The following TMEM132A variants were observed in gnomAD, a reference collection of about 807,000 sequenced individuals.
TMEM132A encodes transmembrane protein 132A.
Under a neutral mutation model 69.9 loss-of-function variants are expected in TMEM132A, and 48 were observed. That is an observed-to-expected ratio of 0.69 (90% CI 0.55 to 0.87). The LOEUF is 0.87. TMEM132A is among the 40% of genes least tolerant of loss of function. The probability of loss-of-function intolerance (pLI) is 0.00; values close to 1 mark genes in which losing one functional copy is unlikely to be tolerated. For synonymous variants in TMEM132A, 577 were observed against 613.7 expected (o/e 0.94, Z 0.88); for missense variants, 1,287 against 1,407.2 (o/e 0.91, Z 1.37).
chr11:60,929,174 C>G (rs1326105828), intron 4 of TMEM132A, among the ~76,000 whole-genome samples: 1 of 152,244 alleles, frequency 6.6e-6, no homozygotes, highest in African/African-American at 2.4e-5. Flanking sequence ...AAGTAGGAAG[C>G]TGCCCCTTCC....
At chr11:60,925,729 T>G (rs567542836) in intron 1 of TMEM132A, 15 of 152,372 alleles carry the variant, frequency 9.8e-5, no homozygotes, top group African/African-American at 3.6e-4. Context: ...AGGGACGCCA[T>G]GGGAGTCCTA....
chr11:60,931,829 T>TGTGG lies in TMEM132A; in HGVS notation c.1159_1162dup (p.Glu388ValfsTer7). The TGTGG allele has an allele frequency of 6.2e-7, 1 of 1,614,232 alleles. No homozygotes were observed. Among genetic ancestry groups the TGTGG allele is most frequent in the South Asian group, 1.1e-5 (1 of 91,088 alleles). ...CCTGAAGCAGAGAAGGACAAAATGG[T>TGTGG]GTGGGAAATCCTGGTGTCTGAGCGG... On this transcript the variant is annotated frameshift_variant, in exon 6 of 11. Transcript: ENST00000453848. LOFTEE classifies it high-confidence loss of function.
rs748506136 is a variant in TMEM132A, at chr11:60,936,424, C to G, written c.2589C>G (p.Ile863Met). 1.2e-5 allele frequency: 20 copies of G among 1,614,072 alleles called. No individual in the cohort carries two copies. The Admixed American group carries it at 3.0e-4, about 24-fold the overall frequency. The change falls in exon 11 of 11, where the codon ATC becomes ATG. Residue 863 changes from isoleucine (I) to methionine (M), a missense_variant. Ile to Met is a conservative substitution (Grantham distance 10). Transcript: ENST00000453848. Reference sequence around the variant, plus strand: ...GAGTCTTCTGCGTGGCCATCTTCATCTTCTTGGTCAATGGTGTGGTCTTCG... The same window carrying G: ...GAGTCTTCTGCGTGGCCATCTTCATGTTCTTGGTCAATGGTGTGGTCTTCG... The part of the protein sequence containing the change: ...LLGVFCVAIF[I>M]FLVNGVVFVL...
rs767309456 is a variant in TMEM132A at position 60,933,692 on chromosome 11, G to A, written c.1507G>A (p.Asp503Asn). Residue 503 changes from aspartate to asparagine, a missense_variant, in exon 8 of 11, where the codon GAC becomes AAC. By Grantham distance (23) the Asp-to-Asn change is conservative. Transcript: ENST00000453848. The stretch of plus-strand genomic sequence containing the variant: ...GCTACCGCTGCGTATCGAGCTCACC[G>A]ACACCACCCTCGAGCAGGTCCGCGG... ...PLLPLRIELT[D>N]TTLEQVRGWR... The A allele has an allele frequency of 3.1e-6, 5 of 1,602,970 alleles. No homozygotes were observed. In the Admixed American group the frequency reaches 5.1e-5, roughly 16 times the overall value.
intron 2 of TMEM132A, 73 bp from the exon 3 acceptor site, chr11:60,927,568 G>A (rs762545178): frequency 1.9e-5 from 28 of 1,476,944 alleles, no homozygotes; most frequent in Non-Finnish European, 2.6e-5. Context: ...CTTCTGCCAA[G>A]CTGGGATCCC....
Position 60,936,014 on chromosome 11 carries a change from G to T in TMEM132A, c.2179G>T (p.Val727Leu). ...GGAGCAGGGTGCCCAGCTCGGGGTG[G>T]TGGTGAGTGGGGCAGGCGCCGAGGG... ...AEEQGAQLGV[V>L]VSGAGAEGLP... The change falls in exon 11 of 11, where the codon GTG becomes TTG. Residue 727 changes from valine to leucine, a missense_variant. By Grantham distance (32) the Val-to-Leu change is conservative. Transcript: ENST00000453848. The T allele has an allele frequency of 6.2e-7, 1 of 1,607,258 alleles. No individual in the cohort carries two copies.
chr11:60,927,445 A>C (rs760720801), intron 2 of TMEM132A, 27 bp downstream of exon 2: 9 of 1,589,390 alleles, frequency 5.7e-6, no homozygotes, highest in Non-Finnish European at 6.9e-6. Flanking sequence ...GGGGACTCTC[A>C]GGCTAACAGG....
At chr11:60,931,096 C>T (rs1230201562) in intron 5 of TMEM132A, among the ~76,000 whole-genome samples, 3 of 152,190 alleles carry the variant, frequency 2.0e-5, no homozygotes, top group Non-Finnish European at 2.9e-5. Flanking sequence ...AGCCCCAGTT[C>T]GAATTCTGGT....
chr11:60,927,470 G>A, intron 2 of TMEM132A, 52 bp downstream of exon 2: 1 of 1,534,474 alleles, frequency 6.5e-7, no homozygotes, highest in Non-Finnish European at 8.9e-7. Context: ...AGGGCCTGAG[G>A]TCTGCTGGGT....
chr11:60,926,983 T>C, intron 1 of TMEM132A: 1 of 613,840 alleles, frequency 1.6e-6, no homozygotes, highest in Non-Finnish European at 2.9e-6. Flanking sequence ...AAGCATCCAG[T>C]CCTGGACTCA....
intron 5 of TMEM132A, 77 bp downstream of exon 5, chr11:60,930,736 T>A: frequency 7.2e-7 from 1 of 1,385,446 alleles, no homozygotes; most frequent in Non-Finnish European, 9.6e-7. Context: ...ATTTGGAGGC[T>A]GCCATGCTGC....
chr11:60,928,497 T>C (rs1240448019), intron 3 of TMEM132A, 132 bp from the exon 4 acceptor site: 1 of 835,276 alleles, frequency 1.2e-6, no homozygotes, highest in Admixed American at 2.5e-5. Context: ...ACTCAGGCTG[T>C]GTCTCCGGCC....
At chr11:60,931,941 A>G (rs1307844310) in intron 6 of TMEM132A, 43 bp from the exon 7 acceptor site, 4 of 1,613,870 alleles carry the variant, frequency 2.5e-6, no homozygotes, top group Non-Finnish European at 1.7e-6. Context: ...CAGGAGCCCC[A>G]TGAGCTGAGG....
At position 60,928,836 on chromosome 11, in the gene TMEM132A, C is replaced by T. The variant is rs1428663289; in HGVS notation, c.742C>T (p.Gln248Ter). ...GCGCCCAGCAGACCCCCCGCAGTAC[C>T]AGGAGGTACCTCTGGACGAGGCTGT... ...ELRPADPPQY[Q>*]EVPLDEAVTL... Residue 248 changes from glutamine to a stop codon, truncating the protein, a stop_gained, in exon 4 of 11, where the codon CAG becomes TAG. Transcript: ENST00000453848. LOFTEE classifies it high-confidence loss of function. 6.2e-7 allele frequency: 1 copy of T among 1,612,534 alleles called. No homozygotes were observed. Among genetic ancestry groups the T allele is most frequent in the African/African-American group, 1.3e-5 (1 of 74,922 alleles).
At chr11:60,929,023 T>A (rs1856418238) in intron 4 of TMEM132A, 63 bp downstream of exon 4, 1 of 1,536,982 alleles carries the variant, frequency 6.5e-7, no homozygotes, top group Non-Finnish European at 8.9e-7. Context: ...TAGGGACAGG[T>A]ACCTGCTCCT....
In TMEM132A at chr11:60,924,561, C is replaced by T. The variant is rs1333476167; in HGVS notation, c.-73C>T. 4.0e-6 allele frequency: 5 copies of T among 1,263,066 alleles called. No homozygotes were observed. In the African/African-American group the frequency reaches 4.7e-5, roughly 12 times the overall value. 78.2% of individuals were successfully genotyped at this position (1,263,066 alleles called of 1,614,324 possible). On this transcript the variant is annotated 5_prime_UTR_variant, in exon 1 of 11. Transcript: ENST00000453848. ...CGGGCCAGGTGGGGACGGCGCGGAG[C>T]GGGTGCGGGAGATGCCGTGCGGGAC...
Position 60,932,134 on chromosome 11 carries a change from G to A in TMEM132A, c.1356+7G>A. 6.5e-7 allele frequency: 1 copy of A among 1,528,146 alleles called. No individual in the cohort carries two copies. 94.7% of individuals were successfully genotyped at this position (1,528,146 alleles called of 1,614,324 possible). ...CAACACACAGGTCCTGCAGGTGAGT[G>A]GCAGGTGCCCAGCTCATGTGAGTCT... On this transcript the variant is annotated splice_region_variant and intron_variant, in intron 7 of 10. Coordinates refer to ENST00000453848, the MANE Select transcript of TMEM132A (RefSeq NM_178031.3).
intron 1 of TMEM132A, 52 bp from the exon 2 acceptor site, chr11:60,927,152 G>A: frequency 6.5e-7 from 1 of 1,527,306 alleles, no homozygotes; most frequent in Non-Finnish European, 9.0e-7. Flanking sequence ...ACCCGGGTCA[G>A]CCCCTGCCAG....
In TMEM132A at chr11:60,936,230, G is replaced by A. The variant is rs779850976; in HGVS notation, c.2395G>A (p.Gly799Ser). The stretch of plus-strand genomic sequence containing the variant: ...CATGGGTGGTAAACGGCAGGTGGCA[G>A]GCAGTGTCGGGGGCAACACAGGTGT... ...ATMGGKRQVA[G>S]SVGGNTGVRG... is the part of the protein sequence containing the mutation. The change falls in exon 11 of 11, where the codon GGC (glycine) becomes AGC (serine). Residue 799 changes from glycine (G) to serine (S), a missense_variant. By Grantham distance (56) the Gly-to-Ser change is moderately conservative. Coordinates refer to ENST00000453848, the MANE Select transcript of TMEM132A (RefSeq NM_178031.3). 1.2e-6 allele frequency: 2 copies of A among 1,614,130 alleles called. No individual in the cohort carries two copies. The highest frequency in any genetic ancestry group is 1.7e-6 in the Non-Finnish European group (2 of 1,179,984).
Sources: allele counts gnomAD v4.1 joint callset (sites outside exome capture counted in the v4.1 genomes callset), GRCh38; gene constraint gnomAD v4.1.1; transcripts MANE v1.5; gene names NCBI Gene and HGNC (gene_info 2026-07-23, HGNC 2026-07-21).